Variants in FILIP1 observed in about 807,000 individuals in gnomAD.
The protein encoded by FILIP1 is filamin-A-interacting protein 1.
Under a neutral mutation model 102.1 loss-of-function variants are expected in FILIP1, and 61 were observed. The ratio of observed to expected loss-of-function variants is 0.60; its 90% CI spans 0.49 to 0.74. The LOEUF is 0.74. Among genes scored for constraint, FILIP1 ranks in the 30% least tolerant of loss-of-function variants. The pLI, the probability that FILIP1 is intolerant of heterozygous loss-of-function variation, is 0.00. For missense variants in FILIP1, 1,314 were observed against 1,441.2 expected (o/e 0.91, Z 1.43); for synonymous variants, 491 against 526.9 (o/e 0.93, Z 0.93).
chr6:75,326,311 G>A (rs1562462307), intron 4 of FILIP1, among the ~76,000 whole-genome samples: 1 of 152,044 alleles, frequency 6.6e-6, no homozygotes, highest in Admixed American at 6.6e-5. Context: ...GGACGCAAAG[G>A]CATAAGAATG....
intron 2 of FILIP1, among the ~76,000 whole-genome samples, chr6:75,370,270 T>C (rs147653752): frequency 0.011 from 1,627 of 152,344 alleles, 25 homozygotes; most frequent in African/African-American, 0.036. Context: ...AATTTATTAA[T>C]TTACTTGTCT....
At chr6:75,420,079 A>T (rs1388803127) in intron 1 of FILIP1, among the ~76,000 whole-genome samples, 1 of 152,178 alleles carries the variant, frequency 6.6e-6, no homozygotes, top group African/African-American at 2.4e-5. Flanking sequence ...AATTCCTGTA[A>T]GTAATTTCAC....
chr6:75,458,812 A>C (rs763217462), intron 1 of FILIP1: 2 of 152,130 alleles, frequency 1.3e-5, no homozygotes, highest in African/African-American at 4.8e-5. Flanking sequence ...AAATTGTTTG[A>C]GTCTTTAGGA....
intron 2 of FILIP1, among the ~76,000 whole-genome samples, chr6:75,396,737 A>C (rs1776473753): frequency 6.6e-6 from 1 of 152,036 alleles, no homozygotes. Context: ...TGTCTCTTAA[A>C]CAATTAGTTC....
intron 2 of FILIP1, among the ~76,000 whole-genome samples, chr6:75,390,525 G>A (rs1332280617): frequency 6.6e-6 from 1 of 152,082 alleles, no homozygotes. Flanking sequence ...AGAGGGAGCA[G>A]GCATGTCACA....
At chr6:75,451,340 T>C in intron 1 of FILIP1, among the ~76,000 whole-genome samples, 1 of 150,376 alleles carries the variant, frequency 6.6e-6, no homozygotes, top group Non-Finnish European at 1.5e-5. Flanking sequence ...GTAATTATAG[T>C]AGAAACAACT....
intron 1 of FILIP1, among the ~76,000 whole-genome samples, chr6:75,438,652 T>C (rs1322321751): frequency 1.3e-5 from 2 of 150,788 alleles, no homozygotes; most frequent in African/African-American, 4.9e-5. Context: ...AAAGGCAGCA[T>C]ATGGGAAAAT....
At chr6:75,342,454 A>G (rs893007323) in intron 4 of FILIP1, among the ~76,000 whole-genome samples, 4 of 152,336 alleles carry the variant, frequency 2.6e-5, no homozygotes, top group African/African-American at 4.8e-5. Context: ...TGAATCTTTT[A>G]TAATTTCTAT....
intron 2 of FILIP1, among the ~76,000 whole-genome samples, chr6:75,390,388 T>C (rs957792003): frequency 6.6e-6 from 1 of 152,186 alleles, no homozygotes; most frequent in African/African-American, 2.4e-5. Flanking sequence ...TAAAGAAATA[T>C]CTGAGACTGG....
intron 5 of FILIP1, among the ~76,000 whole-genome samples, chr6:75,310,825 T>C (rs1233464838): frequency 6.6e-6 from 1 of 152,224 alleles, no homozygotes; most frequent in African/African-American, 2.4e-5. Flanking sequence ...CTGAATGCTA[T>C]TTGGCTCATA....
chr6:75,338,832 A>C (rs976835403), intron 4 of FILIP1, among the ~76,000 whole-genome samples: 1 of 152,152 alleles, frequency 6.6e-6, no homozygotes, highest in East Asian at 1.9e-4. Flanking sequence ...ACTCAATCCA[A>C]CTAGTTTGGA....
At chr6:75,393,336 C>A (rs760024564) in intron 2 of FILIP1, among the ~76,000 whole-genome samples, 47 of 152,012 alleles carry the variant, frequency 3.1e-4, no homozygotes, top group Non-Finnish European at 5.4e-4. Flanking sequence ...AGATTCAGAT[C>A]ACCATAAATA....
downstream of FILIP1, among the ~76,000 whole-genome samples, chr6:75,303,345 G>A (rs1479483089): frequency 2.6e-5 from 4 of 152,108 alleles, no homozygotes; most frequent in African/African-American, 9.7e-5. Flanking sequence ...GAGCCAGCTT[G>A]TAGAGCAGGA....
chr6:75,320,056 A>G (rs1000046546), intron 4 of FILIP1: 39 of 258,772 alleles, frequency 1.5e-4, no homozygotes, highest in African/African-American at 8.8e-4. Context: ...TGCTGTCTCT[A>G]TGGAGCTCAG....
chr6:75,453,391 G>A (rs1244774928), intron 1 of FILIP1, among the ~76,000 whole-genome samples: 1 of 152,132 alleles, frequency 6.6e-6, no homozygotes, highest in African/African-American at 2.4e-5. Context: ...CTCCACTAAG[G>A]GTTGGATAAT....
At chr6:75,465,146 C>A in intron 1 of FILIP1, 1 of 173,940 alleles carries the variant, frequency 5.7e-6, no homozygotes, top group Non-Finnish European at 1.2e-5. Flanking sequence ...CTACCATGGG[C>A]TCTGGAGCAA....
intron 2 of FILIP1, among the ~76,000 whole-genome samples, chr6:75,404,088 A>G (rs937029516): frequency 3.9e-5 from 6 of 152,102 alleles, no homozygotes; most frequent in Non-Finnish European, 8.8e-5. Context: ...TGTAATAGTT[A>G]AAGCTGTGCC....
At chr6:75,319,060 TCTTCTTCAC>T in intron 4 of FILIP1, 1 of 735,646 alleles carries the variant, frequency 1.4e-6, no homozygotes, top group Non-Finnish European at 2.4e-6. Flanking sequence ...TTCATCTTCA[TCTTCTTCAC>T]CTTCTTCCTC....
At chr6:75,415,681 T>C (rs1777244250) in intron 1 of FILIP1, among the ~76,000 whole-genome samples, 1 of 152,114 alleles carries the variant, frequency 6.6e-6, no homozygotes, top group Non-Finnish European at 1.5e-5. Flanking sequence ...AAATCAGGTC[T>C]TTTAATGTCA....
Sources: allele counts gnomAD v4.1 joint callset (sites outside exome capture counted in the v4.1 genomes callset), GRCh38; gene constraint gnomAD v4.1.1; transcripts MANE v1.5; gene names NCBI Gene and HGNC (gene_info 2026-07-23, HGNC 2026-07-21).